KCNN2: variants seen among roughly 807,000 people sequenced by gnomAD.
KCNN2 encodes potassium calcium-activated channel subfamily N member 2, also known as small conductance calcium-activated potassium channel protein 2.
KCNN2 carries 24 observed loss-of-function variants against 55.5 expected under a neutral mutation model. The ratio of observed to expected loss-of-function variants is 0.43; its 90% CI spans 0.31 to 0.61. The LOEUF is 0.61. KCNN2 is among the 20% of genes least tolerant of loss of function. The pLI is 0.08. For missense variants in KCNN2, 754 were observed against 853.6 expected (o/e 0.88, Z 1.45); for synonymous variants, 431 against 336.1 (o/e 1.28, Z -3.09).
chr5:114,350,843 A>G (rs1757193354), intron 2 of KCNN2, among the ~76,000 whole-genome samples: 1 of 151,812 alleles, frequency 6.6e-6, no homozygotes, highest in Non-Finnish European at 1.5e-5. Flanking sequence ...TTACCACACT[A>G]TCTTGATTAC....
chr5:114,312,434 C>CATATATATATATATAT (rs59964515), intron 2 of KCNN2, among the ~76,000 whole-genome samples: 3 of 23,398 alleles, frequency 1.3e-4, no homozygotes, highest in Non-Finnish European at 2.5e-4. Context: ...CACACACACA[C>CATATATATATATATAT]ATATATATAT....
intron 1 of KCNN2, among the ~76,000 whole-genome samples, chr5:114,149,388 C>T (rs977917495): frequency 2.0e-4 from 31 of 152,054 alleles, no homozygotes; most frequent in Admixed American, 1.5e-3. Context: ...CACAGTGCAG[C>T]GGGGCTCTTT....
intron 5 of KCNN2, 25 bp from the exon 6 acceptor site, chr5:114,487,025 A>G (rs374816079): frequency 6.2e-6 from 10 of 1,611,860 alleles, no homozygotes; most frequent in South Asian, 3.3e-5. Flanking sequence ...GAATTTATCA[A>G]CTGCTTTGTT....
intron 1 of KCNN2, among the ~76,000 whole-genome samples, chr5:114,154,652 A>C (rs1035125535): frequency 1.3e-5 from 2 of 152,148 alleles, no homozygotes; most frequent in Admixed American, 1.3e-4. Flanking sequence ...TGGGTCACCA[A>C]AACTTTCTAG....
intron 2 of KCNN2, among the ~76,000 whole-genome samples, chr5:114,250,670 G>A (rs186954827): frequency 1.3e-5 from 2 of 152,244 alleles, no homozygotes; most frequent in African/African-American, 4.8e-5. Context: ...GAAGTCTATG[G>A]CCCCTGAAGG....
intron 3 of KCNN2, among the ~76,000 whole-genome samples, chr5:114,432,026 T>C (rs1007300063): frequency 6.6e-6 from 1 of 152,220 alleles, no homozygotes; most frequent in Admixed American, 6.5e-5. Context: ...ATATGTGTGC[T>C]TAAGAAAGTG....
chr5:114,190,421 A>G (rs4705635), intron 1 of KCNN2, among the ~76,000 whole-genome samples: 17,048 of 152,220 alleles, frequency 0.11, 1,146 homozygotes, highest in Middle Eastern at 0.23. Flanking sequence ...GACTCAGCGT[A>G]GATATAGCCC....
chr5:114,408,456 C>T (rs927373557), intron 3 of KCNN2, among the ~76,000 whole-genome samples: 2 of 151,892 alleles, frequency 1.3e-5, no homozygotes, highest in African/African-American at 4.8e-5. Flanking sequence ...GAGGGATTAA[C>T]GTTTTCTTTT....
chr5:114,339,118 G>A (rs367892372), intron 2 of KCNN2, among the ~76,000 whole-genome samples: 11 of 152,154 alleles, frequency 7.2e-5, no homozygotes, highest in Non-Finnish European at 1.2e-4. Flanking sequence ...TTTGCCAAAC[G>A]TACATAAGAG....
intron 2 of KCNN2, among the ~76,000 whole-genome samples, chr5:114,346,102 T>C (rs1180341150): frequency 1.3e-5 from 2 of 152,156 alleles, no homozygotes; most frequent in East Asian, 3.9e-4. Context: ...TTTTAATCAT[T>C]GCAGAAGGCA....
chr5:114,240,234 A>G (rs1754590344), intron 2 of KCNN2, among the ~76,000 whole-genome samples: 1 of 151,990 alleles, frequency 6.6e-6, no homozygotes, highest in African/African-American at 2.4e-5. Flanking sequence ...TATTATACCA[A>G]AAAAATTTGA....
intron 1 of KCNN2, among the ~76,000 whole-genome samples, chr5:114,214,542 G>T (rs573794861): frequency 2.6e-5 from 4 of 152,030 alleles, no homozygotes; most frequent in Non-Finnish European, 4.4e-5. Flanking sequence ...AATTGACTAA[G>T]AGGAAAAAGT....
intron 1 of KCNN2, among the ~76,000 whole-genome samples, chr5:114,219,465 G>A (rs908487564): frequency 2.2e-4 from 34 of 152,110 alleles, no homozygotes; most frequent in Admixed American, 2.0e-4. Flanking sequence ...TACGGGGTGG[G>A]TAGGTAATCC....
At chr5:114,243,803 G>T (rs1002562010) in intron 2 of KCNN2, among the ~76,000 whole-genome samples, 10 of 152,272 alleles carry the variant, frequency 6.6e-5, no homozygotes, top group Admixed American at 3.3e-4. Context: ...AGGATAAAGG[G>T]TGACTACTGT....
intron 2 of KCNN2, among the ~76,000 whole-genome samples, chr5:114,309,204 T>C (rs1479325426): frequency 6.6e-6 from 1 of 152,248 alleles, no homozygotes; most frequent in Non-Finnish European, 1.5e-5. Context: ...ATGCTTCATA[T>C]GGGCCAACAG....
chr5:114,325,605 G>T (rs1288711007), intron 2 of KCNN2, among the ~76,000 whole-genome samples: 2 of 152,290 alleles, frequency 1.3e-5, no homozygotes, highest in East Asian at 3.9e-4. Context: ...CTCAGCAAAA[G>T]CCAAAAACAG....
chr5:114,120,184 AT>A (rs976780391), intron 1 of KCNN2, among the ~76,000 whole-genome samples: 12 of 152,188 alleles, frequency 7.9e-5, no homozygotes, highest in African/African-American at 2.9e-4. Context: ...ACTTAAGTTC[AT>A]TTTTCATGTG....
At chr5:114,485,778 G>A (rs1762411561) in intron 5 of KCNN2, among the ~76,000 whole-genome samples, 1 of 152,162 alleles carries the variant, frequency 6.6e-6, no homozygotes, top group South Asian at 2.1e-4. Context: ...TTCTTAAAAT[G>A]AGTTGTAGCA....
intron 1 of KCNN2, among the ~76,000 whole-genome samples, chr5:114,174,631 T>C (rs1277856979): frequency 6.6e-6 from 1 of 152,110 alleles, no homozygotes; most frequent in Non-Finnish European, 1.5e-5. Context: ...TCATGCTGCG[T>C]TTGCTCAGGT....
Sources: allele counts gnomAD v4.1 joint callset (sites outside exome capture counted in the v4.1 genomes callset), GRCh38; gene constraint gnomAD v4.1.1; transcripts MANE v1.5; gene names NCBI Gene and HGNC (gene_info 2026-07-23, HGNC 2026-07-21).